Variants in CNGA1 observed in about 807,000 individuals in gnomAD.
CNGA1 encodes the protein cyclic nucleotide gated channel subunit alpha 1.
In CNGA1, 53 loss-of-function variants were observed where a neutral mutation model predicts 69.7. The observed-to-expected ratio is 0.76, with a 90% CI of 0.61 to 0.96. The LOEUF is 0.96. CNGA1 is among the 40% of genes least tolerant of loss of function. The probability of loss-of-function intolerance (pLI) is 0.00; values close to 1 mark genes in which losing one functional copy is unlikely to be tolerated. For missense variants in CNGA1, 739 were observed against 811.2 expected (o/e 0.91, Z 1.08); for synonymous variants, 249 against 283.5 (o/e 0.88, Z 1.22).
At chr4:47,946,037 A>G (rs1739378218) in intron 6 of CNGA1, among the ~76,000 whole-genome samples, 1 of 152,218 alleles carries the variant, frequency 6.6e-6, no homozygotes, top group African/African-American at 2.4e-5. Flanking sequence ...CTACCCCACT[A>G]GTTCCTTGGC....
At chr4:47,990,590 A>G (rs1023603705) in intron 2 of CNGA1, among the ~76,000 whole-genome samples, 1 of 152,104 alleles carries the variant, frequency 6.6e-6, no homozygotes, top group Non-Finnish European at 1.5e-5. Context: ...CCGTTGAAGC[A>G]TGTAATCCTT....
chr4:48,012,558 C>CTTTT lies in CNGA1; in HGVS notation c.-222-1669_-222-1666dup, dbSNP rs528643370. 4.2e-3 allele frequency among the ~76,000 whole-genome samples: 271 copies of CTTTT among 64,958 alleles called. 7 individuals are homozygous for CTTTT. Among genetic ancestry groups the CTTTT allele is most frequent in the East Asian group, 8.4e-3 (15 of 1,790 alleles). 42.6% of individuals were successfully genotyped at this position (64,958 alleles called of 152,430 possible). A position where few individuals can be genotyped will look rare whatever the true frequency, so the allele number is the denominator to read the frequency against. On this transcript the variant is annotated intron_variant, in intron 1 of 10. Coordinates refer to ENST00000514170, the MANE Select transcript of CNGA1 (RefSeq NM_001379270.1). ...GCCATTTTCCTCCCCACCACACCAT[C>CTTTT]TTTTTTTTTTTTTTTTTTTTTTTTT...
At chr4:47,942,234 A>G (rs1739127826) in intron 8 of CNGA1, 86 bp from the exon 9 acceptor site, 3 of 849,086 alleles carry the variant, frequency 3.5e-6, no homozygotes, top group South Asian at 2.7e-5. Context: ...ATGCCCATCA[A>G]CCACAATTAA....
intron 8 of CNGA1, 31 bp from the exon 9 acceptor site, chr4:47,942,179 T>C: frequency 1.5e-6 from 2 of 1,298,162 alleles, no homozygotes; most frequent in Non-Finnish European, 2.2e-6. Context: ...AGGGGATAGT[T>C]ACCAAGATAC....
chr4:47,942,292 G>A (rs1447150078), intron 8 of CNGA1, 144 bp from the exon 9 acceptor site: 7 of 665,126 alleles, frequency 1.1e-5, no homozygotes, highest in Non-Finnish European at 8.3e-6. Context: ...GTGAAGATTA[G>A]CATGGCATAA....
intron 3 of CNGA1, 69 bp downstream of exon 3, chr4:47,981,324 G>A (rs945714530): frequency 3.9e-5 from 6 of 152,140 alleles, no homozygotes; most frequent in Non-Finnish European, 8.8e-5. Flanking sequence ...AAACTTTAAA[G>A]AGTCAAAACA....
intron 2 of CNGA1, among the ~76,000 whole-genome samples, chr4:48,004,100 A>G (rs1436813696): frequency 6.6e-6 from 1 of 152,196 alleles, no homozygotes; most frequent in Non-Finnish European, 1.5e-5. Context: ...CAAATTAGTG[A>G]AAGTACTAAG....
intron 2 of CNGA1, among the ~76,000 whole-genome samples, chr4:48,000,455 C>T (rs530916164): frequency 7.9e-5 from 12 of 151,904 alleles, no homozygotes; most frequent in East Asian, 1.9e-4. Flanking sequence ...CCGCAACCTC[C>T]GCCTCCCAGT....
Position 47,937,019 on chromosome 4 carries a change from A to G in CNGA1, c.1463T>C (p.Val488Ala), listed in dbSNP as rs374880057. The change falls in exon 11 of 11, where the codon GTC (valine) becomes GCC (alanine). Residue 488 changes from valine (V) to alanine (A), a missense_variant. Val to Ala is a moderately conservative substitution (Grantham distance 64). Transcript: ENST00000514170. ...DCEAGLLVEL[V>A]LKLQPQVYSP... is the part of the protein sequence containing the mutation. ...GTAGACTTGGGGTTGCAATTTCAAG[A>G]CCAACTCCACCAACAGACCAGCTTC... 37 of 1,614,066 alleles carry G rather than the reference A, an allele frequency of 2.3e-5. No individual in the cohort carries two copies. Among genetic ancestry groups the G allele is most frequent in the Non-Finnish European group, 2.5e-6 (3 of 1,180,050 alleles).
chr4:47,958,010 T>C (rs942671225), intron 3 of CNGA1, among the ~76,000 whole-genome samples: 1 of 150,760 alleles, frequency 6.6e-6, no homozygotes, highest in Non-Finnish European at 1.5e-5. Context: ...TTCTCCTGCC[T>C]CAACCTCCCG....
chr4:47,979,042 TGGG>T (rs1741561766), intron 3 of CNGA1, among the ~76,000 whole-genome samples: 2 of 152,126 alleles, frequency 1.3e-5, no homozygotes, highest in African/African-American at 4.8e-5. Flanking sequence ...TGGCACAGGC[TGGG>T]CATGGTGGCT....
At chr4:47,951,625 A>G (rs1214818911) in intron 4 of CNGA1, among the ~76,000 whole-genome samples, 156 bp from the exon 5 acceptor site, 1 of 152,268 alleles carries the variant, frequency 6.6e-6, no homozygotes, top group African/African-American at 2.4e-5. Flanking sequence ...AGTTAGAACT[A>G]TACAAAATAC....
intron 2 of CNGA1, among the ~76,000 whole-genome samples, chr4:48,009,694 C>T (rs946713733): frequency 2.0e-5 from 3 of 151,132 alleles, no homozygotes; most frequent in Admixed American, 1.3e-4. Flanking sequence ...ATGCCAACTA[C>T]ATGGGAGGCT....
At chr4:47,984,581 G>A (rs1020046265) in intron 2 of CNGA1, among the ~76,000 whole-genome samples, 3 of 151,010 alleles carry the variant, frequency 2.0e-5, no homozygotes, top group Admixed American at 6.6e-5. Context: ...TAGTGCTACT[G>A]CAGTACTCCA....
chr4:48,012,359 G>T (rs977411029), intron 1 of CNGA1, among the ~76,000 whole-genome samples: 2 of 152,056 alleles, frequency 1.3e-5, no homozygotes, highest in Admixed American at 1.3e-4. Flanking sequence ...CAAACCCAGG[G>T]CTGTTTTGGT....
intron 2 of CNGA1, among the ~76,000 whole-genome samples, chr4:47,991,619 CTGTT>C (rs1395498370): frequency 6.6e-6 from 1 of 152,178 alleles, no homozygotes; most frequent in Non-Finnish European, 1.5e-5. Context: ...TGTGGGTTGT[CTGTT>C]TACTCTGCTG....
At chr4:48,012,630 T>C (rs1477321203) in intron 1 of CNGA1, among the ~76,000 whole-genome samples, 1 of 145,478 alleles carries the variant, frequency 6.9e-6, no homozygotes, top group African/African-American at 2.5e-5. Flanking sequence ...CCCCATAATT[T>C]GGAACTTTCC....
chr4:47,939,768 C>T (rs116333690), intron 10 of CNGA1, among the ~76,000 whole-genome samples: 6 of 152,288 alleles, frequency 3.9e-5, no homozygotes, highest in Non-Finnish European at 8.8e-5. Flanking sequence ...GTATTGAGAG[C>T]ATAGTAACAT....
chr4:47,937,052 G>C lies in CNGA1; in HGVS notation c.1430C>G (p.Ala477Gly). 6.2e-7 allele frequency: 1 copy of C among 1,614,126 alleles called. No homozygotes were observed. The highest frequency in any genetic ancestry group is 1.1e-5 in the South Asian group (1 of 91,078). ...LDTLKKVRIF[A>G]DCEAGLLVEL... ...CACCAACAGACCAGCTTCACAATCA[G>C]CAAAAATGCGTACCTTTTTTAATGT... Residue 477 changes from alanine to glycine, a missense_variant, in exon 11 of 11, where the codon GCT becomes GGT. Coordinates refer to ENST00000514170, the MANE Select transcript of CNGA1 (RefSeq NM_001379270.1).
Sources: gnomAD v4.1 joint callset for allele counts (sites outside exome capture counted in the v4.1 genomes callset) on GRCh38, gnomAD v4.1.1 for gene constraint, MANE v1.5 for transcripts, NCBI Gene and HGNC (gene_info 2026-07-23, HGNC 2026-07-21) for gene names.